Variants in PABPC4L observed in about 807,000 individuals in gnomAD.
The protein encoded by PABPC4L is polyadenylate-binding protein 4-like.
For synonymous variants in PABPC4L, 169 were observed against 164.1 expected (o/e 1.03, Z -0.23); for missense variants, 452 against 451.4 (o/e 1.00, Z -0.01).
chr4:134,019,702 T>C, the PABPC4L span, among the ~76,000 whole-genome samples: 15 of 152,268 alleles, frequency 9.9e-5, no homozygotes. Context: ...TGGTTTGTAT[T>C]ATGCTAATAG....
the PABPC4L span, among the ~76,000 whole-genome samples, chr4:134,184,906 G>A: frequency 8.9e-6 from 1 of 112,464 alleles, no homozygotes; most frequent in Non-Finnish European, 1.6e-5. Context: ...TAATGATACT[G>A]CACTGTTATT....
At chr4:134,168,161 T>A in the PABPC4L span, among the ~76,000 whole-genome samples, 1 of 151,994 alleles carries the variant, frequency 6.6e-6, no homozygotes, top group Non-Finnish European at 1.5e-5. Flanking sequence ...TTAAACAACA[T>A]TCTCTTGACT....
At chr4:134,096,013 C>G in the PABPC4L span, among the ~76,000 whole-genome samples, 2 of 151,950 alleles carry the variant, frequency 1.3e-5, no homozygotes, top group African/African-American at 2.4e-5. Context: ...TTATTATTAA[C>G]CCCATGAGAA....
chr4:134,012,555 G>C, the PABPC4L span, among the ~76,000 whole-genome samples: 1 of 152,164 alleles, frequency 6.6e-6, no homozygotes. Context: ...CCTGCACCCA[G>C]GTGATTAAAA....
At chr4:134,176,399 C>T in the PABPC4L span, among the ~76,000 whole-genome samples, 2 of 151,976 alleles carry the variant, frequency 1.3e-5, no homozygotes, top group Non-Finnish European at 2.9e-5. Context: ...CCCCGTAATC[C>T]CAGCCCTCTG....
chr4:134,074,359 G>A, the PABPC4L span, among the ~76,000 whole-genome samples: 156 of 152,184 alleles, frequency 1.0e-3, 1 homozygote, highest in African/African-American at 3.0e-3. Flanking sequence ...GGACTTCATC[G>A]TCCATATCAC....
chr4:134,054,174 A>T, the PABPC4L span, among the ~76,000 whole-genome samples: 1 of 145,982 alleles, frequency 6.9e-6, no homozygotes, highest in African/African-American at 2.5e-5. Flanking sequence ...CAAGTCTATG[A>T]ATTTCTTTTT....
the PABPC4L span, among the ~76,000 whole-genome samples, chr4:134,149,529 G>A: frequency 2.0e-5 from 3 of 152,242 alleles, no homozygotes; most frequent in African/African-American, 7.2e-5. Context: ...GATAGGGGTT[G>A]CAGCTCCTTT....
chr4:133,960,529 GA>G, the PABPC4L span, among the ~76,000 whole-genome samples: 1 of 152,186 alleles, frequency 6.6e-6, no homozygotes, highest in Non-Finnish European at 1.5e-5. Flanking sequence ...GTCTTCAGTT[GA>G]ACTTTGTAAT....
At chr4:133,982,048 C>T in the PABPC4L span, among the ~76,000 whole-genome samples, 1 of 151,874 alleles carries the variant, frequency 6.6e-6, no homozygotes, top group Non-Finnish European at 1.5e-5. Flanking sequence ...TTTTTAACAT[C>T]AGAGATACTA....
chr4:134,049,082 A>G, the PABPC4L span, among the ~76,000 whole-genome samples: 1 of 152,060 alleles, frequency 6.6e-6, no homozygotes, highest in Non-Finnish European at 1.5e-5. Flanking sequence ...AAGAAATTAT[A>G]ATAATTAAGT....
the PABPC4L span, among the ~76,000 whole-genome samples, chr4:134,150,113 C>T: frequency 1.4e-5 from 2 of 146,658 alleles, 1 homozygote. Context: ...GACAGAGTCT[C>T]ACTCTGTCAC....
chr4:133,964,311 A>G, the PABPC4L span, among the ~76,000 whole-genome samples: 1 of 148,846 alleles, frequency 6.7e-6, no homozygotes, highest in Non-Finnish European at 1.5e-5. Context: ...AAGCAGTGAG[A>G]TTGAAAATGG....
chr4:134,175,655 C>G, the PABPC4L span, among the ~76,000 whole-genome samples: 268 of 151,926 alleles, frequency 1.8e-3, 2 homozygotes, highest in African/African-American at 6.2e-3. Flanking sequence ...TGCCATGTTG[C>G]CCAGGCTTCT....
chr4:134,109,357 G>C, the PABPC4L span, among the ~76,000 whole-genome samples: 1 of 151,678 alleles, frequency 6.6e-6, no homozygotes, highest in African/African-American at 2.4e-5. Context: ...TGAATATCAA[G>C]TAAAAGCAAT....
the PABPC4L span, among the ~76,000 whole-genome samples, chr4:134,090,538 T>A: frequency 6.6e-6 from 1 of 151,936 alleles, no homozygotes; most frequent in African/African-American, 2.4e-5. Context: ...AAAGCTGCGA[T>A]AGGATGACTT....
chr4:134,170,792 G>A, the PABPC4L span, among the ~76,000 whole-genome samples: 2 of 152,092 alleles, frequency 1.3e-5, no homozygotes, highest in South Asian at 4.1e-4. Context: ...GAGACTTAGT[G>A]GGAACACAGA....
the PABPC4L span, among the ~76,000 whole-genome samples, chr4:133,977,711 G>T: frequency 6.6e-6 from 1 of 152,014 alleles, no homozygotes; most frequent in Non-Finnish European, 1.5e-5. Context: ...GTAGAAACTG[G>T]TGTCACTCTT....
At chr4:134,156,161 T>C in the PABPC4L span, among the ~76,000 whole-genome samples, 1 of 151,974 alleles carries the variant, frequency 6.6e-6, no homozygotes, top group South Asian at 2.1e-4. Context: ...AATTTACATG[T>C]TCATTTTATA....
Sources: allele counts gnomAD v4.1 joint callset (sites outside exome capture counted in the v4.1 genomes callset), GRCh38; gene constraint gnomAD v4.1.1; transcripts MANE v1.5; gene names NCBI Gene and HGNC (gene_info 2026-07-23, HGNC 2026-07-21).